The following ALDH2 variants were observed in gnomAD, a reference collection of about 807,000 sequenced individuals.
The protein encoded by ALDH2 is aldehyde dehydrogenase 2 family member, also known as aldehyde dehydrogenase, mitochondrial.
ALDH2 carries 44 observed loss-of-function variants against 59.6 expected under a neutral mutation model. That is an observed-to-expected ratio of 0.74 (90% CI 0.58 to 0.95). ALDH2 has a LOEUF of 0.95. Among genes scored for constraint, ALDH2 ranks in the 40% least tolerant of loss-of-function variants. The pLI is 0.00. For synonymous variants in ALDH2, 291 were observed against 284.0 expected (o/e 1.02, Z -0.25); for missense variants, 570 against 696.3 (o/e 0.82, Z 2.04).
chr12:111,814,118 C>A lies in ALDH2; in HGVS notation c.*4543C>A, dbSNP rs542936740. On this transcript the variant is annotated 3_prime_UTR_variant, in exon 13 of 13. Transcript: ENST00000261733. ...ATCCCAGCACTTTGGGAGGCTGAGGCGGGTGGATCACGAGGTCAGGAGATC... is the reference window on the plus strand; with the variant it reads ...ATCCCAGCACTTTGGGAGGCTGAGGAGGGTGGATCACGAGGTCAGGAGATC... The A allele has an allele frequency of 1.1e-4, 16 of 152,120 alleles. No homozygotes were observed. Among genetic ancestry groups the A allele is most frequent in the Admixed American group, 1.0e-3 (16 of 15,270 alleles). The allele number at this position is 152,120 out of a possible 1,614,324, so 9.4% of individuals were successfully genotyped here.
chr12:111,803,517 A>G (rs1299209118), intron 11 of ALDH2, among the ~76,000 whole-genome samples: 1 of 152,102 alleles, frequency 6.6e-6, no homozygotes, highest in African/African-American at 2.4e-5. Flanking sequence ...AGGCAGGAGG[A>G]TCACTGAAGA....
At position 111,809,724 on chromosome 12, in the gene ALDH2, G is replaced by T. The variant is rs1021122851; in HGVS notation, c.*149G>T. 33 of 873,766 alleles carry T rather than the reference G, an allele frequency of 3.8e-5. No individual in the cohort carries two copies. In the African/African-American group the frequency reaches 4.2e-4, roughly 11 times the overall value. 54.1% of individuals were successfully genotyped at this position (873,766 alleles called of 1,614,324 possible). A position where few individuals can be genotyped will look rare whatever the true frequency, so the allele number is the denominator to read the frequency against. On this transcript the variant is annotated 3_prime_UTR_variant, in exon 13 of 13. Coordinates refer to ENST00000261733, the MANE Select transcript of ALDH2 (RefSeq NM_000690.4). ...TTGGGTCAAGAAAGTTCTAGAATTT[G>T]AATTGATAAACATGGTGGGTTGGCT...
chr12:111,785,472 C>A, intron 4 of ALDH2, 126 bp downstream of exon 4: 1 of 801,108 alleles, frequency 1.2e-6, no homozygotes, highest in South Asian at 1.5e-5. Context: ...GCCTATAATC[C>A]CAGCACTTTG....
Position 111,781,340 on chromosome 12 carries a change from G to A in ALDH2, c.115-578G>A, listed in dbSNP as rs2068270252. Reference sequence around the variant, plus strand: ...GACTTCTGAAGCTAGATCTTAGGAAGCCTTTCAGCTTCCACCTGGGTCTCT... The same window carrying A: ...GACTTCTGAAGCTAGATCTTAGGAAACCTTTCAGCTTCCACCTGGGTCTCT... On this transcript the variant is annotated intron_variant, in intron 1 of 12. Transcript: ENST00000261733. 3.3e-5 allele frequency among the ~76,000 whole-genome samples: 5 copies of A among 152,296 alleles called. No individual in the cohort carries two copies. In the South Asian group the frequency reaches 1.0e-3, roughly 32 times the overall value.
intron 10 of ALDH2, among the ~76,000 whole-genome samples, chr12:111,798,713 T>A (rs1219319633): frequency 1.3e-5 from 2 of 152,048 alleles, no homozygotes; most frequent in South Asian, 2.1e-4. Flanking sequence ...TTTAAAAAAA[T>A]TTTTTAGTAC....
intron 4 of ALDH2, among the ~76,000 whole-genome samples, chr12:111,787,040 A>C (rs1056660455): frequency 1.3e-5 from 2 of 152,002 alleles, no homozygotes; most frequent in African/African-American, 4.8e-5. Flanking sequence ...CCCCATCTCT[A>C]CTAAATATAC....
In ALDH2 at chr12:111,792,608, C is replaced by T. The variant is rs147887880; in HGVS notation, c.909C>T (p.Ala303=). 6.1e-5 allele frequency: 98 copies of T among 1,612,056 alleles called. No homozygotes were observed. The highest frequency in any genetic ancestry group is 4.1e-4 in the African/African-American group (31 of 74,926). ...GCCCACTTCCCGCAGTGGATTGGGC[C>T]GTGGAACAGGCCCACTTCGCCCTGT... The part of the protein sequence containing the change: ...IIMSDADMDW[A]VEQAHFALFF... Residue 303 remains alanine (A), a synonymous_variant, in exon 9 of 13, where the codon GCC becomes GCT. Transcript: ENST00000261733.
At chr12:111,774,490 G>A (rs1259987910) in intron 1 of ALDH2, among the ~76,000 whole-genome samples, 9 of 152,168 alleles carry the variant, frequency 5.9e-5, no homozygotes, top group Admixed American at 5.9e-4. Context: ...CACTCTTTGG[G>A]AAAATACGGT....
In ALDH2 at chr12:111,798,076, A is replaced by T; in HGVS notation, c.1084-2A>T. ...CATAACTCTGGGTTCCTTCTCCCAC[A>T]GGTGGATGAAACTCAGTTTAAGAAG... On this transcript the variant is annotated splice_acceptor_variant, in intron 9 of 12. Coordinates refer to ENST00000261733, the MANE Select transcript of ALDH2 (RefSeq NM_000690.4). LOFTEE classifies it high-confidence loss of function. The T allele has an allele frequency of 6.2e-7, 1 of 1,614,138 alleles. No individual in the cohort carries two copies. Among genetic ancestry groups the T allele is most frequent in the South Asian group, 1.1e-5 (1 of 91,080 alleles).
At chr12:111,796,964 CTT>C (rs554909623) in intron 9 of ALDH2, among the ~76,000 whole-genome samples, 33 of 139,080 alleles carry the variant, frequency 2.4e-4, no homozygotes, top group Non-Finnish European at 3.1e-4. Context: ...AGCTTTACTT[CTT>C]TTTTTTTTTT....
chr12:111,798,255 G>C lies in ALDH2; in HGVS notation c.1248+13G>C, dbSNP rs781225098. 6.5e-7 allele frequency: 1 copy of C among 1,535,734 alleles called. No individual in the cohort carries two copies. Among genetic ancestry groups the C allele is most frequent in the Non-Finnish European group, 8.8e-7 (1 of 1,141,364 alleles). Reference sequence around the variant, plus strand: ...CGCCAAGGAGGAGGTGAGCACTTGGGGCCAGTGCTCTGGAAACATTCTTGG... The same window carrying C: ...CGCCAAGGAGGAGGTGAGCACTTGGCGCCAGTGCTCTGGAAACATTCTTGG... On this transcript the variant is annotated intron_variant, in intron 10 of 12. Transcript: ENST00000261733.
chr12:111,794,105 A>T (rs543485437), intron 9 of ALDH2, among the ~76,000 whole-genome samples: 1 of 132,576 alleles, frequency 7.5e-6, no homozygotes, highest in Non-Finnish European at 1.6e-5. Context: ...TGCAACCTGT[A>T]CCTCCTGGGT....
chr12:111,792,660 G>T lies in ALDH2; in HGVS notation c.961G>T (p.Ala321Ser). 1 of 1,612,242 alleles carries T rather than the reference G, an allele frequency of 6.2e-7. No individual in the cohort carries two copies. Among genetic ancestry groups the T allele is most frequent in the Non-Finnish European group, 8.5e-7 (1 of 1,179,466 alleles). ...CTTCAACCAGGGCCAGTGCTGCTGT[G>T]CCGGCTCCCGGACCTTCGTGCAGGA... ...LFFNQGQCCC[A>S]GSRTFVQEDI... Residue 321 changes from alanine (A) to serine (S), a missense_variant, in exon 9 of 13, where the codon GCC becomes TCC. By Grantham distance (99) the Ala-to-Ser change is moderately conservative (BLOSUM62 1). Coordinates refer to ENST00000261733, the MANE Select transcript of ALDH2 (RefSeq NM_000690.4).
chr12:111,790,563 G>A lies in ALDH2; in HGVS notation c.681+1G>A. 1.2e-5 allele frequency: 20 copies of A among 1,614,170 alleles called. No homozygotes were observed. The highest frequency in any genetic ancestry group is 1.7e-5 in the Non-Finnish European group (20 of 1,180,028). ...CTATGTGGCCAACCTGATCAAGGAG[G>A]TGCGTGGCTTATCCTGGTCTTAACC... On this transcript the variant is annotated splice_donor_variant, in intron 6 of 12. Transcript: ENST00000261733. LOFTEE classifies it high-confidence loss of function.
chr12:111,807,377 C>T (rs2068504891), intron 12 of ALDH2, among the ~76,000 whole-genome samples: 1 of 152,172 alleles, frequency 6.6e-6, no homozygotes, highest in Admixed American at 6.6e-5. Context: ...CTGTATACCC[C>T]ACCCACTTCC....
chr12:111,783,790 G>A (rs1197809716), intron 3 of ALDH2, among the ~76,000 whole-genome samples: 2 of 152,126 alleles, frequency 1.3e-5, no homozygotes. Flanking sequence ...GATTACAGGC[G>A]TGAGCCACCG....
At chr12:111,773,859 T>C (rs2068218218) in intron 1 of ALDH2, among the ~76,000 whole-genome samples, 1 of 152,236 alleles carries the variant, frequency 6.6e-6, no homozygotes, top group African/African-American at 2.4e-5. Context: ...TATTGAATAA[T>C]GAATGGTTGC....
At chr12:111,777,752 G>A (rs941362628) in intron 1 of ALDH2, among the ~76,000 whole-genome samples, 1 of 152,154 alleles carries the variant, frequency 6.6e-6, no homozygotes, top group African/African-American at 2.4e-5. Flanking sequence ...TTGAACTTAG[G>A]TCTGGCAGTT....
chr12:111,785,028 G>T (rs1033627886), intron 3 of ALDH2, among the ~76,000 whole-genome samples: 1 of 152,090 alleles, frequency 6.6e-6, no homozygotes, highest in Admixed American at 6.6e-5. Flanking sequence ...GTGTGTTTAT[G>T]AAATCACTGA....
Sources: allele counts gnomAD v4.1 joint callset (sites outside exome capture counted in the v4.1 genomes callset), GRCh38; gene constraint gnomAD v4.1.1; transcripts MANE v1.5; gene names NCBI Gene and HGNC (gene_info 2026-07-23, HGNC 2026-07-21).